Variants in FBXL4 observed in about 807,000 individuals in gnomAD.
FBXL4 encodes F-box and leucine rich repeat protein 4.
In FBXL4, 40 loss-of-function variants were observed where a neutral mutation model predicts 58.9. The ratio of observed to expected loss-of-function variants is 0.68; its 90% confidence interval spans 0.53 to 0.88. The LOEUF (loss-of-function observed/expected upper bound fraction) is 0.88. Among genes scored for constraint, FBXL4 ranks in the 40% least tolerant of loss-of-function variants. The pLI is 0.00. For synonymous variants in FBXL4, 263 were observed against 265.5 expected, an observed-to-expected ratio of 0.99 and a Z score of 0.09; for missense variants, 676 against 734.4, an observed-to-expected ratio of 0.92 and a Z score of 0.92.
At chr6:98,941,375 C>T (rs986044663) in intron 1 of FBXL4, among the ~76,000 whole-genome samples, 1 of 151,370 alleles carries the variant, frequency 6.6e-6, no homozygotes, top group African/African-American at 2.4e-5. Context: ...ATAGGAAAGG[C>T]AGATAAATCA....
At chr6:98,904,917 T>G (rs1234550743) in intron 6 of FBXL4, among the ~76,000 whole-genome samples, 1 of 152,204 alleles carries the variant, frequency 6.6e-6, no homozygotes, top group African/African-American at 2.4e-5. Flanking sequence ...CCTGGGCAGG[T>G]CTGCAAGTGT....
chr6:98,905,545 G>C lies in FBXL4; in HGVS notation c.984C>G (p.Tyr328Ter). ...LQYIHLNLQP[Y>*]WAKLDDTSLE... ...GAGAAGTGTCATCTAGTTTTGCCCA[G>C]TATGGTTGCAGATTGAGGTGGATGT... is the stretch of plus-strand genomic sequence containing the variant. Residue 328 changes from tyrosine to a stop codon, truncating the protein, a stop_gained, in exon 6 of 10, where the codon TAC becomes TAG. Transcript: ENST00000369244. LOFTEE classifies it high-confidence loss of function. 6.2e-7 allele frequency: 1 copy of C among 1,614,026 alleles called. No homozygotes were observed. Among genetic ancestry groups the C allele is most frequent in the Non-Finnish European group, 8.5e-7 (1 of 1,179,962 alleles).
At chr6:98,906,651 T>C (rs551186618) in intron 5 of FBXL4, among the ~76,000 whole-genome samples, 2 of 152,346 alleles carry the variant, frequency 1.3e-5, no homozygotes, top group South Asian at 2.1e-4. Context: ...TATGTCCTTA[T>C]AGTAGAATGA....
intron 5 of FBXL4, among the ~76,000 whole-genome samples, chr6:98,911,588 T>C (rs943098638): frequency 5.9e-5 from 9 of 152,212 alleles, no homozygotes; most frequent in African/African-American, 2.2e-4. Context: ...AGTGGACCTC[T>C]AGCAAACTCC....
chr6:98,917,919 A>T (rs1052081082), intron 4 of FBXL4, among the ~76,000 whole-genome samples, 200 bp from the exon 5 acceptor site: 2 of 152,216 alleles, frequency 1.3e-5, no homozygotes, highest in African/African-American at 2.4e-5. Context: ...TATTTTTATA[A>T]GTCCCCAAAC....
intron 1 of FBXL4, among the ~76,000 whole-genome samples, chr6:98,946,502 A>C (rs761759284): frequency 2.0e-5 from 3 of 152,238 alleles, no homozygotes; most frequent in Non-Finnish European, 4.4e-5. Context: ...AACACAGTAA[A>C]GAAAGAAGGG....
chr6:98,932,288 G>T (rs1447227297), intron 2 of FBXL4, among the ~76,000 whole-genome samples: 3 of 152,136 alleles, frequency 2.0e-5, no homozygotes, highest in Non-Finnish European at 4.4e-5. Flanking sequence ...TCTCTACACT[G>T]AACATTTATA....
At chr6:98,933,507 G>T (rs1386279086) in intron 2 of FBXL4, among the ~76,000 whole-genome samples, 3 of 152,054 alleles carry the variant, frequency 2.0e-5, no homozygotes, top group South Asian at 2.1e-4. Context: ...ACTGAGGCTG[G>T]ATGGCTCTGG....
chr6:98,940,519 G>A (rs902559236), intron 1 of FBXL4, among the ~76,000 whole-genome samples: 3 of 151,960 alleles, frequency 2.0e-5, no homozygotes, highest in African/African-American at 7.3e-5. Flanking sequence ...GATACCCTGT[G>A]GTTTTAATTT....
At chr6:98,893,793 A>ATT (rs55928779) in intron 7 of FBXL4, among the ~76,000 whole-genome samples, 13 of 150,524 alleles carry the variant, frequency 8.6e-5, no homozygotes, top group African/African-American at 1.2e-4. Flanking sequence ...ATAAGAAATC[A>ATT]TTTTTTTTTT....
At chr6:98,936,401 T>C (rs1256836032) in intron 1 of FBXL4, among the ~76,000 whole-genome samples, 1 of 152,152 alleles carries the variant, frequency 6.6e-6, no homozygotes, top group Non-Finnish European at 1.5e-5. Flanking sequence ...GAAAGTGAAA[T>C]AATATGGTAT....
At chr6:98,887,085 C>CA (rs1771065878) in intron 7 of FBXL4, among the ~76,000 whole-genome samples, 1 of 151,890 alleles carries the variant, frequency 6.6e-6, no homozygotes, top group African/African-American at 2.4e-5. Flanking sequence ...CTCATCTCTA[C>CA]AAAAAATGTA....
intron 1 of FBXL4, among the ~76,000 whole-genome samples, chr6:98,943,022 A>G (rs1238478487): frequency 1.3e-5 from 2 of 152,268 alleles, no homozygotes; most frequent in South Asian, 4.1e-4. Flanking sequence ...AGGAATCTAC[A>G]TAAAATTACT....
chr6:98,898,715 T>C, intron 7 of FBXL4: 2 of 984,402 alleles, frequency 2.0e-6, no homozygotes, highest in African/African-American at 1.7e-5. Flanking sequence ...TTAAATAGAT[T>C]ATGGTATAAC....
intron 1 of FBXL4, among the ~76,000 whole-genome samples, chr6:98,943,388 C>T (rs1484105234): frequency 6.6e-6 from 1 of 151,534 alleles, no homozygotes; most frequent in Non-Finnish European, 1.5e-5. Context: ...GCCTGGGCAA[C>T]ATGGTGAAGC....
intron 5 of FBXL4, 93 bp downstream of exon 5, chr6:98,917,281 G>A (rs1437994388): frequency 5.9e-6 from 5 of 852,296 alleles, no homozygotes; most frequent in Non-Finnish European, 8.8e-6. Flanking sequence ...ACTTACCAAT[G>A]CTCAATTACC....
rs757997109 is a variant in FBXL4 at position 98,926,877 on chromosome 6, T to C, written c.112A>G (p.Ile38Val). ...GGGGAAGTCTGGCTGTTTGATTCTA[T>C]AGCTCTATGGGTGTTCATCATTTCT... ...RGEMMNTHRA[I>V]ESNSQTSPLN... The change falls in exon 4 of 10, where the codon ATA (isoleucine) becomes GTA (valine). Residue 38 changes from isoleucine to valine, a missense_variant. Ile to Val is a conservative substitution (Grantham distance 29). Transcript: ENST00000369244. 2.4e-5 allele frequency: 38 copies of C among 1,614,204 alleles called. No homozygotes were observed. Among genetic ancestry groups the C allele is most frequent in the Non-Finnish European group, 3.1e-5 (37 of 1,180,032 alleles).
intron 2 of FBXL4, among the ~76,000 whole-genome samples, chr6:98,928,190 C>T (rs2128406528): frequency 6.6e-6 from 1 of 152,280 alleles, no homozygotes; most frequent in Admixed American, 6.5e-5. Flanking sequence ...CAGCCAGCTC[C>T]ACTCATTTAC....
intron 5 of FBXL4, among the ~76,000 whole-genome samples, chr6:98,911,754 C>A (rs1395244501): frequency 6.6e-6 from 1 of 152,166 alleles, no homozygotes; most frequent in African/African-American, 2.4e-5. Context: ...AAACTGGAAA[C>A]TCTAAAAAGC....
Sources: allele counts gnomAD v4.1 joint callset (sites outside exome capture counted in the v4.1 genomes callset), GRCh38; gene constraint gnomAD v4.1.1; transcripts MANE v1.5; gene names NCBI Gene and HGNC (gene_info 2026-07-23, HGNC 2026-07-21).